Variants in ABLIM2 observed in about 807,000 individuals in gnomAD.
ABLIM2 encodes actin binding LIM protein family member 2.
A neutral mutation model predicts 97.7 loss-of-function variants in ABLIM2; 53 were observed. That is an observed-to-expected ratio of 0.54 (90% confidence interval 0.44 to 0.68). The LOEUF (loss-of-function observed/expected upper bound fraction) is 0.68, where lower values mean the gene tolerates loss of function less well. Ranked by LOEUF, ABLIM2 falls within the 30% of genes least tolerant of loss-of-function variation. The pLI is 0.00. For missense variants in ABLIM2, 835 were observed against 867.2 expected, an observed-to-expected ratio of 0.96 and a Z score of 0.47; for synonymous variants, 361 against 345.8, an observed-to-expected ratio of 1.04 and a Z score of -0.49.
rs529306238 is a variant in ABLIM2, at chr4:8,035,330, G to A, written c.1047+819C>T. 8.5e-5 allele frequency among the ~76,000 whole-genome samples: 13 copies of A among 152,254 alleles called. No homozygotes were observed. In the East Asian group the frequency reaches 1.4e-3, roughly 16 times the overall value. ...ATGACTTTCTCGCCCCACACCATCC[G>A]CATCGAACGCGCTGCCCTGGAGTCT... On this transcript the variant is annotated intron_variant, in intron 10 of 20. Transcript: ENST00000447017.
intron 2 of ABLIM2, among the ~76,000 whole-genome samples, chr4:8,105,770 A>G (rs1577968430): frequency 6.6e-6 from 1 of 152,202 alleles, no homozygotes; most frequent in African/African-American, 2.4e-5. Context: ...CATCCATCAA[A>G]TTGGTTTGAT....
intron 9 of ABLIM2, among the ~76,000 whole-genome samples, chr4:8,037,256 A>G (rs900110779): frequency 6.6e-6 from 1 of 152,110 alleles, no homozygotes; most frequent in Non-Finnish European, 1.5e-5. Context: ...GTGATGATAC[A>G]TACCTACACA....
In ABLIM2 at chr4:8,023,900, C is replaced by A. The variant is rs1560704218; in HGVS notation, c.1268-3597G>T. ...GTGTGCCTGGTGCTGGCTCAGCTGGCTCCTGTGGAGCCTCCTCCAGGTGAC... is the reference window on the plus strand; with the variant it reads ...GTGTGCCTGGTGCTGGCTCAGCTGGATCCTGTGGAGCCTCCTCCAGGTGAC... On this transcript the variant is annotated intron_variant, in intron 12 of 20. Coordinates refer to ENST00000447017, the MANE Select transcript of ABLIM2 (RefSeq NM_001130083.2). The surrounding 1 kb of genome is among the most constrained non-coding windows in gnomAD (Gnocchi z 5.7). Among the ~76,000 whole-genome samples the A allele has an allele frequency of 6.6e-6, 1 of 152,216 alleles. No homozygotes were observed. The highest frequency in any genetic ancestry group is 1.9e-4 in the East Asian group (1 of 5,196).
chr4:7,967,903 T>C (rs1442991393), intron 20 of ABLIM2, among the ~76,000 whole-genome samples: 2 of 152,212 alleles, frequency 1.3e-5, no homozygotes, highest in African/African-American at 4.8e-5. Flanking sequence ...TGTGTTAGTA[T>C]GACCTCAGCC....
chr4:8,065,414 T>C (rs1460889885), intron 6 of ABLIM2, among the ~76,000 whole-genome samples: 1 of 151,976 alleles, frequency 6.6e-6, no homozygotes, highest in Non-Finnish European at 1.5e-5. Flanking sequence ...CCCATGAGGG[T>C]AGCTACAATA....
rs573505002 is a variant in ABLIM2, at chr4:8,042,670, T to C, written c.900+2494A>G. ...GCCTGACCAACATGGAGAAACCCCG[T>C]CTCTACTAAAAATACAAACTTAGCT... On this transcript the variant is annotated intron_variant, in intron 9 of 20. Transcript: ENST00000447017. Among the ~76,000 whole-genome samples, 10 of 152,056 alleles carry C rather than the reference T, an allele frequency of 6.6e-5. 1 individual carries two copies. The highest frequency in any genetic ancestry group is 2.4e-4 in the African/African-American group (10 of 41,470).
At position 8,019,784 on chromosome 4, in the gene ABLIM2, C is replaced by A; in HGVS notation, c.1370-113G>T. On this transcript the variant is annotated intron_variant, in intron 13 of 20. Transcript: ENST00000447017. This position sits in a 1 kb window ranked among gnomAD's most constrained non-coding sequence, Gnocchi z 4.3. ...ACAAGCACTCACCCAGATTTAGAAT[C>A]ATCAGGCAGGAACTGGCACCCAGCG... 9.2e-7 allele frequency: 1 copy of A among 1,087,522 alleles called. No homozygotes were observed. The highest frequency in any genetic ancestry group is 1.4e-5 in the South Asian group (1 of 73,224). The allele number at this position is 1,087,522 out of a possible 1,614,324, so 67.4% of individuals were successfully genotyped here. A position where few individuals can be genotyped will look rare whatever the true frequency, so the allele number is the denominator to read the frequency against.
chr4:8,119,733 ACAAACAAACAAT>A (rs1368913921), intron 1 of ABLIM2, among the ~76,000 whole-genome samples: 1 of 152,186 alleles, frequency 6.6e-6, no homozygotes, highest in East Asian at 1.9e-4. Context: ...CTTTTAAAAA[ACAAACAAACAAT>A]CAAACAAACA....
intron 4 of ABLIM2, among the ~76,000 whole-genome samples, 186 bp from the exon 5 acceptor site, chr4:8,080,988 C>G (rs1252133666): frequency 6.6e-6 from 1 of 152,192 alleles, no homozygotes; most frequent in Non-Finnish European, 1.5e-5. Flanking sequence ...GGGAAGGCAA[C>G]TGGGGAAGTT....
At chr4:8,121,933 G>A (rs930766812) in intron 1 of ABLIM2, among the ~76,000 whole-genome samples, 2 of 152,120 alleles carry the variant, frequency 1.3e-5, no homozygotes, top group Non-Finnish European at 2.9e-5. Flanking sequence ...CACACAGTTG[G>A]GCACCGGACC....
chr4:7,995,901 CAGA>C (rs1252582312), intron 16 of ABLIM2, among the ~76,000 whole-genome samples: 4 of 152,172 alleles, frequency 2.6e-5, no homozygotes, highest in African/African-American at 7.2e-5. Flanking sequence ...TCTCATGTCA[CAGA>C]AGGAGAGTCA....
At chr4:8,119,842 C>G (rs918286698) in intron 1 of ABLIM2, among the ~76,000 whole-genome samples, 10 of 152,124 alleles carry the variant, frequency 6.6e-5, no homozygotes, top group African/African-American at 2.2e-4. Flanking sequence ...CTCCACTAGC[C>G]CTGAGTGAGC....
chr4:8,108,891 T>A (rs62289386), intron 1 of ABLIM2, among the ~76,000 whole-genome samples: 1 of 152,192 alleles, frequency 6.6e-6, no homozygotes, highest in Non-Finnish European at 1.5e-5. Flanking sequence ...TGGGTTCCCA[T>A]GAAGCCGGCC....
intron 11 of ABLIM2, among the ~76,000 whole-genome samples, chr4:8,029,308 A>G (rs368501403): frequency 3.9e-4 from 59 of 152,174 alleles, no homozygotes; most frequent in African/African-American, 1.4e-3. Context: ...CTCCTGACAC[A>G]TATGCTGTCT....
In ABLIM2 at chr4:8,127,703, G is replaced by T. The variant is rs564800525; in HGVS notation, c.11-21066C>A. 6.4e-6 allele frequency: 8 copies of T among 1,243,094 alleles called. No homozygotes were observed. Among genetic ancestry groups the T allele is most frequent in the Non-Finnish European group, 8.3e-6 (8 of 960,610 alleles). The allele number at this position is 1,243,094 out of a possible 1,614,324, so 77.0% of individuals were successfully genotyped here. ...CTGTGGCCCACAGGGCTCCCACAAG[G>T]TCACGTGGCAGCTGCCACCCTCTGC... On this transcript the variant is annotated intron_variant, in intron 1 of 20. Transcript: ENST00000447017. This position sits in a 1 kb window ranked among gnomAD's most constrained non-coding sequence, Gnocchi z 7.3.
chr4:8,065,176 C>T (rs894118565), intron 6 of ABLIM2, among the ~76,000 whole-genome samples: 2 of 152,144 alleles, frequency 1.3e-5, no homozygotes, highest in Admixed American at 1.3e-4. Context: ...ACTTTGAGCT[C>T]AGGAGCTCTA....
intron 3 of ABLIM2, among the ~76,000 whole-genome samples, chr4:8,088,887 C>T (rs1019220286): frequency 1.3e-5 from 2 of 152,178 alleles, no homozygotes; most frequent in African/African-American, 4.8e-5. Flanking sequence ...CAGAATCAAA[C>T]CAAGACCTGT....
chr4:7,979,091 C>T (rs1424961258), intron 20 of ABLIM2, among the ~76,000 whole-genome samples: 1 of 152,260 alleles, frequency 6.6e-6, no homozygotes, highest in Non-Finnish European at 1.5e-5. Context: ...CTAGCCAGTT[C>T]CTGCTGCCTG....
chr4:8,007,610 C>T, intron 16 of ABLIM2: 6 of 990,934 alleles, frequency 6.1e-6, no homozygotes, highest in Non-Finnish European at 7.2e-6. Context: ...TCTATGAAGC[C>T]TGAGGCTGTG....
Sources: gnomAD v4.1 joint callset for allele counts (sites outside exome capture counted in the v4.1 genomes callset) on GRCh38, gnomAD v4.1.1 for gene constraint, Gnocchi (gnomAD v3.1) non-coding constraint, MANE v1.5 for transcripts, NCBI Gene and HGNC (gene_info 2026-07-23, HGNC 2026-07-21) for gene names.